The following ITGB8 variants were observed in gnomAD, a reference collection of about 807,000 sequenced individuals.
ITGB8 encodes integrin subunit beta 8.
Under a neutral mutation model 89.5 loss-of-function variants are expected in ITGB8, and 30 were observed. The observed-to-expected ratio is 0.34, with a 90% CI of 0.25 to 0.45. ITGB8 has a LOEUF of 0.45. Among genes scored for constraint, ITGB8 ranks in the 20% least tolerant of loss-of-function variants. ITGB8 has a pLI of 1.00. For missense variants in ITGB8, 836 were observed against 933.3 expected (o/e 0.90, Z 1.36); for synonymous variants, 335 against 320.4 (o/e 1.05, Z -0.49).
chr7:20,370,690 A>C (rs1000147508), intron 3 of ITGB8, among the ~76,000 whole-genome samples: 9 of 151,854 alleles, frequency 5.9e-5, no homozygotes, highest in African/African-American at 1.9e-4. Flanking sequence ...AGCTCGCTGC[A>C]ACCTCTGCCT....
intron 3 of ITGB8, among the ~76,000 whole-genome samples, chr7:20,377,087 A>G (rs901794068): frequency 6.6e-6 from 1 of 152,104 alleles, no homozygotes; most frequent in Admixed American, 6.5e-5. Flanking sequence ...AGGGCCCTGA[A>G]TAGCTTACCT....
At chr7:20,407,333 TAATA>T (rs1787586167) in intron 12 of ITGB8, among the ~76,000 whole-genome samples, 1 of 150,712 alleles carries the variant, frequency 6.6e-6, no homozygotes, top group Admixed American at 6.6e-5. Flanking sequence ...CAATGATACT[TAATA>T]AAGCTGTTTA....
At chr7:20,397,387 G>A (rs553804079) in intron 8 of ITGB8, among the ~76,000 whole-genome samples, 43 of 152,064 alleles carry the variant, frequency 2.8e-4, no homozygotes, top group African/African-American at 8.9e-4. Flanking sequence ...ACGCACACCC[G>A]GCTAATTTTT....
intron 1 of ITGB8, among the ~76,000 whole-genome samples, chr7:20,353,662 G>A (rs1411616143): frequency 3.3e-5 from 5 of 151,714 alleles, no homozygotes; most frequent in Admixed American, 6.6e-5. Flanking sequence ...GGCCGGGCGC[G>A]GTGGCTCACG....
chr7:20,337,906 G>C (rs1784628828), intron 1 of ITGB8, among the ~76,000 whole-genome samples: 1 of 152,176 alleles, frequency 6.6e-6, no homozygotes, highest in African/African-American at 2.4e-5. Flanking sequence ...GCCTTCTGGG[G>C]GTAAACTGAG....
At chr7:20,366,908 T>G (rs1240694049) in intron 2 of ITGB8, 104 bp from the exon 3 acceptor site, 1 of 749,872 alleles carries the variant, frequency 1.3e-6, no homozygotes, top group Non-Finnish European at 2.1e-6. Context: ...TAGAAGAAAT[T>G]AAAATGATAT....
chr7:20,357,979 G>T (rs1051274253), intron 1 of ITGB8, among the ~76,000 whole-genome samples: 1 of 152,010 alleles, frequency 6.6e-6, no homozygotes, highest in Non-Finnish European at 1.5e-5. Flanking sequence ...TTGTTTGTTT[G>T]TTTTGAGATG....
intron 6 of ITGB8, among the ~76,000 whole-genome samples, chr7:20,386,039 G>C (rs1360220302): frequency 6.6e-6 from 1 of 152,062 alleles, no homozygotes; most frequent in East Asian, 1.9e-4. Context: ...CTGCTTCTCA[G>C]GTTTGTCTCA....
chr7:20,376,714 T>G (rs1786162049), intron 3 of ITGB8, among the ~76,000 whole-genome samples: 1 of 152,190 alleles, frequency 6.6e-6, no homozygotes. Context: ...TAGGTCTATT[T>G]ACCTTGAATT....
intron 1 of ITGB8, among the ~76,000 whole-genome samples, chr7:20,336,000 C>CTTTTTTTTT (rs201113693): frequency 9.3e-5 from 9 of 96,396 alleles, no homozygotes; most frequent in East Asian, 2.5e-4. Flanking sequence ...TCTTGGTTTT[C>CTTTTTTTTT]TTTTTTTTTT....
intron 1 of ITGB8, among the ~76,000 whole-genome samples, chr7:20,337,106 A>T (rs1784601602): frequency 6.6e-6 from 1 of 152,226 alleles, no homozygotes; most frequent in South Asian, 2.1e-4. Context: ...CTTATTTTTC[A>T]AAGTCTGTCT....
intron 3 of ITGB8, among the ~76,000 whole-genome samples, chr7:20,374,943 C>T (rs1038085891): frequency 6.6e-6 from 1 of 151,844 alleles, no homozygotes; most frequent in Non-Finnish European, 1.5e-5. Flanking sequence ...TAGAGGTAGA[C>T]ATATGAAGAG....
rs771531947 is a variant in ITGB8 at position 20,381,748 on chromosome 7, G to C, written c.823G>C (p.Glu275Gln). ...VCESHIGWRKEAKRLLLVMTD... is the reference protein window; with the variant it reads ...VCESHIGWRKQAKRLLLVMTD... The stretch of plus-strand genomic sequence containing the variant: ...TAAGAGTCATATCGGATGGCGAAAA[G>C]AGGCTAAAAGATTGCTGCTGGTGAT... The change falls in exon 6 of 14, where the codon GAG becomes CAG. Residue 275 changes from glutamate to glutamine, a missense_variant. Glu to Gln is a conservative substitution (Grantham distance 29). Around this residue, in one of 5 missense-constraint regions of ITGB8, gnomAD observed 192 missense variants for 267.1 expected, o/e 0.72. Transcript: ENST00000222573. The C allele has an allele frequency of 1.2e-6, 2 of 1,608,592 alleles. No homozygotes were observed. Among genetic ancestry groups the C allele is most frequent in the South Asian group, 1.1e-5 (1 of 89,586 alleles).
intron 1 of ITGB8, among the ~76,000 whole-genome samples, chr7:20,336,000 CTT>C (rs201113693): frequency 5.2e-5 from 5 of 96,398 alleles, no homozygotes; most frequent in African/African-American, 8.3e-5. Context: ...TCTTGGTTTT[CTT>C]TTTTTTTTTT....
chr7:20,380,505 G>C (rs1786334833), intron 4 of ITGB8, 161 bp from the exon 5 acceptor site: 6 of 600,622 alleles, frequency 1.0e-5, no homozygotes, highest in Non-Finnish European at 1.7e-5. Context: ...TCAGCATTGA[G>C]CTTATCTCTA....
intron 3 of ITGB8, among the ~76,000 whole-genome samples, chr7:20,369,425 G>C (rs1554305319): frequency 3.9e-5 from 6 of 152,186 alleles, no homozygotes; most frequent in Non-Finnish European, 2.9e-5. Context: ...AGGGCAGAGA[G>C]AAAGTGATCA....
Position 20,381,811 on chromosome 7 carries a change from T to C in ITGB8, c.886T>C (p.Leu296=), listed in dbSNP as rs1256376542. The C allele has an allele frequency of 1.2e-6, 2 of 1,614,000 alleles. No individual in the cohort carries two copies. The highest frequency in any genetic ancestry group is 2.7e-5 in the African/African-American group (2 of 74,928). ...QTSHLALDSK[L]AGIVVPNDGN... ...GTCTCATCTCGCTCTTGATAGCAAA[T>C]TGGCAGGCATAGTGGTGCCCAATGA... The change falls in exon 6 of 14, where the codon TTG becomes CTG. Residue 296 remains leucine, a synonymous_variant. Coordinates refer to ENST00000222573, the MANE Select transcript of ITGB8 (RefSeq NM_002214.3).
intron 11 of ITGB8, among the ~76,000 whole-genome samples, chr7:20,405,477 A>AT (rs35951169): frequency 0.2 from 28,576 of 141,940 alleles, 3,166 homozygotes; most frequent in African/African-American, 0.31. Context: ...CGCCGGGCTA[A>AT]TTTTTTTTTT....
rs750206788 is a variant in ITGB8 at position 20,401,954 on chromosome 7, G to C, written c.1515G>C (p.Gln505His). 106 of 1,614,070 alleles carry C rather than the reference G, an allele frequency of 6.6e-5. No homozygotes were observed. Among genetic ancestry groups the C allele is most frequent in the Non-Finnish European group, 8.3e-5 (98 of 1,180,020 alleles). ...ATAAATGTCATTTTGATGAAGATCA[G>C]TTTTCTTCTGAGAGTTGCAAGTCAC... ...DENKCHFDED[Q>H]FSSESCKSHK... The change falls in exon 10 of 14, where the codon CAG becomes CAC. Residue 505 changes from glutamine to histidine, a missense_variant. Physicochemically the swap from Gln to His is conservative, Grantham distance 24 (BLOSUM62 0). This residue lies in a region of ITGB8 where 422 missense variants were observed against 416.9 expected (regional missense o/e 1.01). Transcript: ENST00000222573.
Sources: gnomAD v4.1 joint callset for allele counts (sites outside exome capture counted in the v4.1 genomes callset) on GRCh38, gnomAD v4.1.1 for gene constraint, gnomAD v4.1.1 regional missense constraint, MANE v1.5 for transcripts, NCBI Gene and HGNC (gene_info 2026-07-23, HGNC 2026-07-21) for gene names.